DCLK1: variants seen among roughly 807,000 people sequenced by gnomAD.
DCLK1 encodes the protein doublecortin like kinase 1.
In DCLK1, 16 loss-of-function variants were observed where a neutral mutation model predicts 86.2. The ratio of observed to expected loss-of-function variants is 0.19; its 90% confidence interval spans 0.13 to 0.28. DCLK1 has a LOEUF of 0.28. Among genes scored for constraint, DCLK1 ranks in the 10% least tolerant of loss-of-function variants. The probability of loss-of-function intolerance (pLI) is 1.00; values close to 1 mark genes in which losing one functional copy is unlikely to be tolerated. For synonymous variants in DCLK1, 369 were observed against 370.5 expected, an observed-to-expected ratio of 1.00 and a Z score of 0.05; for missense variants, 590 against 940.2, an observed-to-expected ratio of 0.63 and a Z score of 4.87.
chr13:36,067,126 T>C (rs1242436830), intron 3 of DCLK1, among the ~76,000 whole-genome samples: 3 of 126,904 alleles, frequency 2.4e-5, no homozygotes, highest in Non-Finnish European at 3.3e-5. Flanking sequence ...TATTGCGGCA[T>C]TATTCACAAT....
At chr13:36,117,285 T>C (rs907106840) in intron 2 of DCLK1, among the ~76,000 whole-genome samples, 4 of 152,028 alleles carry the variant, frequency 2.6e-5, no homozygotes, top group African/African-American at 7.2e-5. Flanking sequence ...CAAAAATAGA[T>C]GGCAAAGGAT....
intron 3 of DCLK1, among the ~76,000 whole-genome samples, chr13:36,085,412 A>T (rs1319854404): frequency 6.6e-6 from 1 of 152,104 alleles, no homozygotes; most frequent in Non-Finnish European, 1.5e-5. Flanking sequence ...GAATTATGAA[A>T]AAAGCTATAC....
intron 3 of DCLK1, among the ~76,000 whole-genome samples, chr13:36,019,610 G>A (rs531094543): frequency 1.3e-5 from 2 of 152,194 alleles, no homozygotes; most frequent in Non-Finnish European, 2.9e-5. Flanking sequence ...CACTTATCAC[G>A]ATTCTAAACA....
intron 4 of DCLK1, among the ~76,000 whole-genome samples, chr13:35,880,412 T>A (rs1396038518): frequency 6.6e-6 from 1 of 152,162 alleles, no homozygotes; most frequent in South Asian, 2.1e-4. Context: ...TTCTTTCCCT[T>A]CCAGGTACCA....
intron 15 of DCLK1, 128 bp from the exon 16 acceptor site, chr13:35,793,607 T>A (rs1480667171): frequency 1.1e-5 from 7 of 617,444 alleles, no homozygotes; most frequent in Non-Finnish European, 1.6e-5. Context: ...AACCAACCAA[T>A]GTCTACTCAT....
chr13:36,067,452 A>G (rs1471324364), intron 3 of DCLK1, among the ~76,000 whole-genome samples: 1 of 143,772 alleles, frequency 7.0e-6, no homozygotes, highest in Non-Finnish European at 1.5e-5. Flanking sequence ...AGATATACCT[A>G]ATGCTAAATG....
chr13:35,890,165 TA>T (rs1349000995), intron 4 of DCLK1, among the ~76,000 whole-genome samples: 1 of 152,118 alleles, frequency 6.6e-6, no homozygotes, highest in Non-Finnish European at 1.5e-5. Flanking sequence ...GAGGATAAAG[TA>T]AAAACTCTCT....
chr13:35,927,493 C>A (rs925913539), intron 4 of DCLK1, among the ~76,000 whole-genome samples: 1 of 152,206 alleles, frequency 6.6e-6, no homozygotes, highest in African/African-American at 2.4e-5. Flanking sequence ...GTTTTTGTTA[C>A]ACCGTTTGAT....
At chr13:36,021,067 C>T (rs1469517434) in intron 3 of DCLK1, among the ~76,000 whole-genome samples, 2 of 151,910 alleles carry the variant, frequency 1.3e-5, no homozygotes, top group Non-Finnish European at 2.9e-5. Context: ...TATAACACCG[C>T]CTTCATGTAT....
At chr13:35,957,835 T>C (rs1053541323) in intron 3 of DCLK1, among the ~76,000 whole-genome samples, 1 of 121,838 alleles carries the variant, frequency 8.2e-6, no homozygotes, top group African/African-American at 2.7e-5. Flanking sequence ...AAATTAGTCT[T>C]CTTAAGTAAA....
At chr13:35,874,774 C>G (rs1489269309) in intron 4 of DCLK1, among the ~76,000 whole-genome samples, 1 of 152,178 alleles carries the variant, frequency 6.6e-6, no homozygotes, top group South Asian at 2.1e-4. Context: ...GATTTTGATT[C>G]GCAAAACAGA....
At chr13:35,883,017 G>A (rs1035210485) in intron 4 of DCLK1, among the ~76,000 whole-genome samples, 4 of 152,236 alleles carry the variant, frequency 2.6e-5, no homozygotes, top group East Asian at 1.9e-4. Flanking sequence ...TGTTGATGAC[G>A]TTGAAGCTGA....
At position 35,855,599 on chromosome 13, in the gene DCLK1, C is replaced by T. The variant is rs967186700; in HGVS notation, c.941-1006G>A. 25 of 1,555,630 alleles carry T rather than the reference C, an allele frequency of 1.6e-5. No homozygotes were observed. The Middle Eastern group carries it at 5.0e-4, about 31-fold the overall frequency. On this transcript the variant is annotated intron_variant, in intron 5 of 16. Coordinates refer to ENST00000360631, the MANE Select transcript of DCLK1 (RefSeq NM_001330071.2). Reference sequence around the variant, plus strand: ...GTCTCAGCACTAAGCCAAGCACCCGCGGAAATGGGAATCGGTTGGATGAGT... The same window carrying T: ...GTCTCAGCACTAAGCCAAGCACCCGTGGAAATGGGAATCGGTTGGATGAGT...
chr13:36,124,422 A>G (rs1367473217), intron 2 of DCLK1, among the ~76,000 whole-genome samples: 3 of 152,238 alleles, frequency 2.0e-5, no homozygotes, highest in Non-Finnish European at 4.4e-5. Context: ...AATTCCCACA[A>G]AATAAACACA....
At chr13:36,015,560 T>TA (rs2153149256) in intron 3 of DCLK1, among the ~76,000 whole-genome samples, 1 of 152,340 alleles carries the variant, frequency 6.6e-6, no homozygotes, top group South Asian at 2.1e-4. Flanking sequence ...CCAGAGCTTC[T>TA]ATGATGCTGT....
At chr13:36,062,815 T>C (rs1011075660) in intron 3 of DCLK1, among the ~76,000 whole-genome samples, 3 of 152,186 alleles carry the variant, frequency 2.0e-5, no homozygotes, top group Admixed American at 6.5e-5. Context: ...ACATTGAATA[T>C]ACAAGCCATC....
intron 3 of DCLK1, among the ~76,000 whole-genome samples, chr13:36,028,978 C>T (rs945760323): frequency 3.9e-5 from 6 of 152,202 alleles, no homozygotes; most frequent in African/African-American, 1.4e-4. Flanking sequence ...GAATAATCCA[C>T]ACCTTGTTTA....
In DCLK1 at chr13:35,889,477, A is replaced by G. The variant is rs946908035; in HGVS notation, c.824-18137T>C. On this transcript the variant is annotated intron_variant, in intron 4 of 16. Coordinates refer to ENST00000360631, the MANE Select transcript of DCLK1 (RefSeq NM_001330071.2). ...TCTTTCCTGGACAACCACTTTTTAA[A>G]GTGTAGGACCCAGACTTGTTTCTCT... Among the ~76,000 whole-genome samples the G allele has an allele frequency of 2.0e-5, 3 of 152,122 alleles. No homozygotes were observed. The South Asian group carries it at 6.2e-4, about 31-fold the overall frequency.
chr13:35,788,638 C>T (rs2086660413), intron 16 of DCLK1, among the ~76,000 whole-genome samples: 1 of 152,122 alleles, frequency 6.6e-6, no homozygotes, highest in Non-Finnish European at 1.5e-5. Context: ...GAGCATTAGC[C>T]ACTTAAGAGA....
Sources: gnomAD v4.1 joint callset for allele counts (sites outside exome capture counted in the v4.1 genomes callset) on GRCh38, gnomAD v4.1.1 for gene constraint, MANE v1.5 for transcripts, NCBI Gene and HGNC (gene_info 2026-07-23, HGNC 2026-07-21) for gene names.